The following ARHGAP26 variants were observed in gnomAD, a reference collection of about 807,000 sequenced individuals.
The protein encoded by ARHGAP26 is rho GTPase-activating protein 26.
In ARHGAP26, 38 loss-of-function variants were observed where a neutral mutation model predicts 104.8. The observed-to-expected ratio is 0.36, with a 90% confidence interval of 0.28 to 0.48. The LOEUF is 0.48. ARHGAP26 is among the 20% of genes least tolerant of loss of function. ARHGAP26 has a pLI of 0.99. For synonymous variants in ARHGAP26, 341 were observed against 340.0 expected (o/e 1.00, Z -0.03); for missense variants, 704 against 947.9 (o/e 0.74, Z 3.38).
At chr5:142,827,605 C>T (rs1360758746) in intron 1 of ARHGAP26, among the ~76,000 whole-genome samples, 1 of 152,138 alleles carries the variant, frequency 6.6e-6, no homozygotes, top group Non-Finnish European at 1.5e-5. Context: ...CTGCCTCATT[C>T]ACCAGCCAGG....
At chr5:142,801,692 C>T (rs1762105645) in intron 1 of ARHGAP26, among the ~76,000 whole-genome samples, 1 of 151,700 alleles carries the variant, frequency 6.6e-6, no homozygotes, top group Admixed American at 6.6e-5. Flanking sequence ...TCCCACCCCT[C>T]CCCCAGCCCC....
In ARHGAP26 at chr5:142,912,208, A is replaced by G. The variant is rs952915716; in HGVS notation, c.934-991A>G. Among the ~76,000 whole-genome samples the G allele has an allele frequency of 1.4e-4, 22 of 152,238 alleles. 1 individual carries two copies. Among genetic ancestry groups the G allele is most frequent in the Admixed American group, 6.5e-5 (1 of 15,290 alleles). The stretch of plus-strand genomic sequence containing the variant: ...TGAAATTGTCACATTCAGTTGAACA[A>G]TGGAATACTACTCAACAATAAAGAG... On this transcript the variant is annotated intron_variant, in intron 9 of 22. Transcript: ENST00000645722.
chr5:142,897,834 G>A (rs765920806), intron 6 of ARHGAP26, among the ~76,000 whole-genome samples: 18 of 152,158 alleles, frequency 1.2e-4, no homozygotes, highest in Non-Finnish European at 7.4e-5. Flanking sequence ...CTAGTAAATA[G>A]CAGAGCTGGA....
rs770990322 is a variant in ARHGAP26, at chr5:142,879,362, G to C, written c.313-12G>C. On this transcript the variant is annotated splice_polypyrimidine_tract_variant and intron_variant, in intron 3 of 22. Coordinates refer to ENST00000645722, the MANE Select transcript of ARHGAP26 (RefSeq NM_001135608.3). Reference sequence around the variant, plus strand: ...TGTGTCTTCTTTCCCTTACTCTGTTGTTCTTCACCAGATTGAGAATGCCAG... The same window carrying C: ...TGTGTCTTCTTTCCCTTACTCTGTTCTTCTTCACCAGATTGAGAATGCCAG... 1 of 1,613,432 alleles carries C rather than the reference G, an allele frequency of 6.2e-7. No homozygotes were observed. Among genetic ancestry groups the C allele is most frequent in the East Asian group, 2.2e-5 (1 of 44,862 alleles).
chr5:143,054,292 C>G (rs750432261), intron 14 of ARHGAP26, 147 bp from the exon 15 acceptor site: 14 of 546,260 alleles, frequency 2.6e-5, no homozygotes, highest in Admixed American at 6.0e-5. Context: ...AGACATTTTC[C>G]TAATTTAATA....
At chr5:143,092,258 G>C (rs1791564275) in intron 17 of ARHGAP26, among the ~76,000 whole-genome samples, 1 of 147,764 alleles carries the variant, frequency 6.8e-6, no homozygotes, top group Non-Finnish European at 1.5e-5. Context: ...CCGCCTCCCA[G>C]GTTCACGCCA....
intron 1 of ARHGAP26, among the ~76,000 whole-genome samples, chr5:142,847,316 G>A (rs1301457167): frequency 6.6e-6 from 1 of 151,844 alleles, no homozygotes; most frequent in African/African-American, 2.4e-5. Context: ...TGGGGAAGCT[G>A]CCTCAGCTTA....
intron 6 of ARHGAP26, 119 bp downstream of exon 6, chr5:142,894,467 C>T (rs1759180371): frequency 4.5e-6 from 4 of 889,312 alleles, no homozygotes; most frequent in African/African-American, 3.3e-5. Flanking sequence ...CTGACACTGT[C>T]CCTTCTGTAA....
chr5:142,950,621 C>G (rs1040418699), intron 11 of ARHGAP26, among the ~76,000 whole-genome samples: 7 of 152,122 alleles, frequency 4.6e-5, no homozygotes, highest in African/African-American at 1.7e-4. Flanking sequence ...CAGCGACACC[C>G]AATTTGAGTT....
intron 22 of ARHGAP26, among the ~76,000 whole-genome samples, chr5:143,215,954 C>T (rs961210768): frequency 1.3e-5 from 2 of 152,074 alleles, no homozygotes; most frequent in African/African-American, 4.8e-5. Flanking sequence ...GTTTCCAGTT[C>T]TCTTGGGGAT....
Position 143,149,886 on chromosome 5 carries a change from A to G in ARHGAP26, c.1988+2505A>G, listed in dbSNP as rs112912765. 6.5e-3 allele frequency among the ~76,000 whole-genome samples: 986 copies of G among 152,194 alleles called. 14 individuals carry two copies. The highest frequency in any genetic ancestry group is 0.023 in the African/African-American group (948 of 41,498). ...TTTTATTTCACTCCTTTATTTCACT[A>G]TTTTTCATAATGACTGGGATATCAT... On this transcript the variant is annotated intron_variant, in intron 20 of 22. Coordinates refer to ENST00000645722, the MANE Select transcript of ARHGAP26 (RefSeq NM_001135608.3).
intron 11 of ARHGAP26, among the ~76,000 whole-genome samples, chr5:143,010,049 G>A (rs1179049755): frequency 6.6e-6 from 1 of 152,226 alleles, no homozygotes; most frequent in Non-Finnish European, 1.5e-5. Context: ...TCAGGACATT[G>A]CTCTTGCCTC....
chr5:142,781,702 TG>T (rs888411564), intron 1 of ARHGAP26, among the ~76,000 whole-genome samples: 4 of 152,000 alleles, frequency 2.6e-5, no homozygotes, highest in African/African-American at 9.7e-5. Flanking sequence ...AGTTATAGAG[TG>T]GAATGCAGAA....
At chr5:143,045,007 A>G (rs1021967335) in intron 14 of ARHGAP26, among the ~76,000 whole-genome samples, 2 of 152,242 alleles carry the variant, frequency 1.3e-5, no homozygotes, top group African/African-American at 4.8e-5. Flanking sequence ...GATGACACTA[A>G]TGAAAAGAAA....
At chr5:142,914,182 G>A (rs1397367697) in intron 10 of ARHGAP26, among the ~76,000 whole-genome samples, 1 of 152,218 alleles carries the variant, frequency 6.6e-6, no homozygotes, top group Non-Finnish European at 1.5e-5. Context: ...CTGAGACTGA[G>A]TACTGCCTGG....
rs1204380803 is a variant in ARHGAP26 at position 143,224,331 on chromosome 5, T to C, written c.*1885T>C. Reference sequence around the variant, plus strand: ...AGAGAAGACATTTCTATGGCCTTGCTCTCTGCTGTCCTGTTGGTGGGCACG... The same window carrying C: ...AGAGAAGACATTTCTATGGCCTTGCCCTCTGCTGTCCTGTTGGTGGGCACG... On this transcript the variant is annotated 3_prime_UTR_variant, in exon 23 of 23. Transcript: ENST00000645722. 4.3e-6 allele frequency: 1 copy of C among 231,470 alleles called. No homozygotes were observed. The highest frequency in any genetic ancestry group is 8.6e-6 in the Non-Finnish European group (1 of 116,738). 14.3% of individuals were successfully genotyped at this position (231,470 alleles called of 1,614,324 possible).
intron 14 of ARHGAP26, among the ~76,000 whole-genome samples, chr5:143,048,881 C>T (rs1487457616): frequency 6.7e-6 from 1 of 148,706 alleles, no homozygotes; most frequent in Non-Finnish European, 1.5e-5. Flanking sequence ...CCATTGCACT[C>T]CAGCCTGGGT....
At chr5:142,955,031 C>G (rs1002502194) in intron 11 of ARHGAP26, among the ~76,000 whole-genome samples, 17 of 152,034 alleles carry the variant, frequency 1.1e-4, no homozygotes, top group African/African-American at 4.1e-4. Flanking sequence ...GTAATCCCAA[C>G]AGTTTGGGAG....
chr5:143,152,601 C>A (rs1017156391), intron 20 of ARHGAP26, among the ~76,000 whole-genome samples: 1 of 152,204 alleles, frequency 6.6e-6, no homozygotes, highest in African/African-American at 2.4e-5. Context: ...GCAACCCCTC[C>A]CATTAAGAGC....
Sources: allele counts gnomAD v4.1 joint callset (sites outside exome capture counted in the v4.1 genomes callset), GRCh38; gene constraint gnomAD v4.1.1; transcripts MANE v1.5; gene names NCBI Gene and HGNC (gene_info 2026-07-23, HGNC 2026-07-21).